MACROD2: variants seen among roughly 807,000 people sequenced by gnomAD.
MACROD2 encodes mono-ADP ribosylhydrolase 2.
MACROD2 carries 36 observed loss-of-function variants against 70.4 expected under a neutral mutation model. The observed-to-expected ratio is 0.51, with a 90% CI of 0.39 to 0.68. MACROD2 has a LOEUF of 0.68. MACROD2 is among the 30% of genes least tolerant of loss of function. The pLI, the probability that MACROD2 is intolerant of heterozygous loss-of-function variation, is 0.00. For missense variants in MACROD2, 496 were observed against 538.4 expected (o/e 0.92, Z 0.78); for synonymous variants, 172 against 178.8 (o/e 0.96, Z 0.30).
chr20:14,310,121 A>G (rs1224807859), intron 3 of MACROD2, among the ~76,000 whole-genome samples: 1 of 152,156 alleles, frequency 6.6e-6, no homozygotes, highest in Non-Finnish European at 1.5e-5. Context: ...TTTGTTTCTA[A>G]AAACTAATGT....
chr20:16,006,736 C>T (rs1168375419), intron 15 of MACROD2, among the ~76,000 whole-genome samples: 1 of 152,052 alleles, frequency 6.6e-6, no homozygotes, highest in Admixed American at 6.6e-5. Context: ...CTCGGAGGCT[C>T]AGGTGTTGGG....
chr20:14,913,054 G>T (rs777502702), intron 5 of MACROD2, among the ~76,000 whole-genome samples: 42 of 152,096 alleles, frequency 2.8e-4, no homozygotes, highest in Non-Finnish European at 5.7e-4. Context: ...TGAGGGTTGT[G>T]ATAGCTGTGT....
Position 15,463,871 on chromosome 20 carries a change from A to G in MACROD2, c.571+32436A>G, listed in dbSNP as rs551348047. Among the ~76,000 whole-genome samples the G allele has an allele frequency of 3.0e-4, 46 of 152,344 alleles. No individual in the cohort carries two copies. The South Asian group carries it at 7.0e-3, about 23-fold the overall frequency. ...TTTATTCCAAACTTCCCCTGCTATT[A>G]AGCACCTTGTTCTTGATCCTACAGC... On this transcript the variant is annotated intron_variant, in intron 7 of 17. Transcript: ENST00000684519.
intron 5 of MACROD2, among the ~76,000 whole-genome samples, chr20:15,215,761 C>G (rs2076805152): frequency 6.6e-6 from 1 of 151,618 alleles, no homozygotes; most frequent in African/African-American, 2.4e-5. Context: ...AAATGATGTT[C>G]CAGTAAGAAG....
At chr20:14,293,230 A>G (rs1031123330) in intron 3 of MACROD2, among the ~76,000 whole-genome samples, 2 of 151,856 alleles carry the variant, frequency 1.3e-5, no homozygotes, top group African/African-American at 4.9e-5. Flanking sequence ...GAGATATAGC[A>G]GTGAACAATA....
chr20:15,265,707 C>T lies in MACROD2; in HGVS notation c.540+35646C>T, dbSNP rs2077288226. Among the ~76,000 whole-genome samples, 2 of 152,054 alleles carry T rather than the reference C, an allele frequency of 1.3e-5. 1 individual carries two copies. Among genetic ancestry groups the T allele is most frequent in the South Asian group, 4.1e-4 (2 of 4,828 alleles). On this transcript the variant is annotated intron_variant, in intron 6 of 17. Transcript: ENST00000684519. Reference sequence around the variant, plus strand: ...TCTTATTTTCACATTTTCCCTGAACCTTCTCTTACTGAAAAGAAAATAAAA... The same window carrying T: ...TCTTATTTTCACATTTTCCCTGAACTTTCTCTTACTGAAAAGAAAATAAAA...
chr20:14,858,495 G>GAAAAAC (rs1372638052), intron 5 of MACROD2, among the ~76,000 whole-genome samples: 3 of 152,086 alleles, frequency 2.0e-5, no homozygotes, highest in Non-Finnish European at 2.9e-5. Flanking sequence ...ACTTGATTGT[G>GAAAAAC]AAAAACAAAA....
chr20:15,944,756 T>C (rs1304952932), intron 12 of MACROD2, among the ~76,000 whole-genome samples: 2 of 152,182 alleles, frequency 1.3e-5, no homozygotes, highest in African/African-American at 2.4e-5. Context: ...GTATATTTAT[T>C]GTATAAAATT....
intron 13 of MACROD2, 49 bp downstream of exon 13, chr20:15,967,679 C>CATAA: frequency 7.2e-6 from 2 of 277,892 alleles, no homozygotes; most frequent in Non-Finnish European, 1.1e-5. Flanking sequence ...TGCTGGGAAA[C>CATAA]AGAAAAAAAA....
intron 4 of MACROD2, among the ~76,000 whole-genome samples, chr20:14,548,865 A>G (rs1334065576): frequency 6.6e-6 from 1 of 152,144 alleles, no homozygotes; most frequent in Admixed American, 6.6e-5. Context: ...GGCTAAAAAA[A>G]GGGTGACAAG....
At chr20:14,228,985 CTG>C (rs1569216558) in intron 3 of MACROD2, among the ~76,000 whole-genome samples, 1 of 88,770 alleles carries the variant, frequency 1.1e-5, no homozygotes, top group Non-Finnish European at 2.2e-5. Flanking sequence ...ACACCAGACT[CTG>C]TCTCAAAAAA....
In MACROD2 at chr20:15,511,313, C is replaced by T. The variant is rs576674262; in HGVS notation, c.645+11466C>T. On this transcript the variant is annotated intron_variant, in intron 8 of 17. Coordinates refer to ENST00000684519, the MANE Select transcript of MACROD2 (RefSeq NM_001351661.2). ...CATATGAATTCTCTTTTCTTCCAAT[C>T]GGTCCAAATTTTCACATGTTCCTTA... Among the ~76,000 whole-genome samples, 96 of 152,298 alleles carry T rather than the reference C, an allele frequency of 6.3e-4. 2 individuals are homozygous for T. The South Asian group carries it at 1.0e-2, about 16-fold the overall frequency.
chr20:14,084,748 G>A (rs1220289818), intron 2 of MACROD2, among the ~76,000 whole-genome samples: 1 of 151,742 alleles, frequency 6.6e-6, no homozygotes, highest in African/African-American at 2.4e-5. Context: ...TAGAGCAAAA[G>A]GTAAAATACA....
chr20:14,482,666 AAAGG>A (rs2084676396), intron 3 of MACROD2, among the ~76,000 whole-genome samples: 1 of 151,516 alleles, frequency 6.6e-6, no homozygotes. Flanking sequence ...AAAAAGAAGA[AAAGG>A]AAACATACGT....
intron 8 of MACROD2, among the ~76,000 whole-genome samples, chr20:15,738,822 G>A (rs961652559): frequency 1.3e-5 from 2 of 152,124 alleles, no homozygotes; most frequent in South Asian, 4.1e-4. Context: ...TAGTACTGAA[G>A]TTTGAAACAG....
intron 8 of MACROD2, among the ~76,000 whole-genome samples, chr20:15,706,067 T>C (rs1188230421): frequency 1.3e-5 from 2 of 152,228 alleles, no homozygotes; most frequent in African/African-American, 4.8e-5. Context: ...GTTACATGCC[T>C]GCCTTATAAA....
chr20:15,361,154 T>C (rs1402512516), intron 6 of MACROD2, among the ~76,000 whole-genome samples: 1 of 152,196 alleles, frequency 6.6e-6, no homozygotes, highest in African/African-American at 2.4e-5. Context: ...CTTGATACTT[T>C]TCTTCTACAT....
intron 5 of MACROD2, among the ~76,000 whole-genome samples, chr20:15,073,964 G>T (rs2075638751): frequency 1.3e-5 from 2 of 152,196 alleles, no homozygotes; most frequent in Non-Finnish European, 1.5e-5. Flanking sequence ...ATAACAAATG[G>T]CATGTTTAGA....
intron 8 of MACROD2, among the ~76,000 whole-genome samples, chr20:15,608,177 A>T (rs749162567): frequency 6.6e-6 from 1 of 152,182 alleles, no homozygotes; most frequent in Non-Finnish European, 1.5e-5. Flanking sequence ...CATTATTGTC[A>T]CAAATTTGTG....
Sources: allele counts gnomAD v4.1 joint callset (sites outside exome capture counted in the v4.1 genomes callset), GRCh38; gene constraint gnomAD v4.1.1; transcripts MANE v1.5; gene names NCBI Gene and HGNC (gene_info 2026-07-23, HGNC 2026-07-21).